Variants in FMN2 observed in about 807,000 individuals in gnomAD.
FMN2 encodes formin 2, also known as formin-2.
In FMN2, 51 loss-of-function variants were observed where a neutral mutation model predicts 142.3. That is an observed-to-expected ratio of 0.36 (90% CI 0.29 to 0.45). The LOEUF (loss-of-function observed/expected upper bound fraction) is 0.45. Among genes scored for constraint, FMN2 ranks in the 20% least tolerant of loss-of-function variants. FMN2 has a pLI of 1.00. For missense variants in FMN2, 1,936 were observed against 2,122.8 expected, an observed-to-expected ratio of 0.91 and a Z score of 1.73; for synonymous variants, 882 against 869.8, an observed-to-expected ratio of 1.01 and a Z score of -0.25.
At chr1:240,422,862 C>T (rs1367259231) in intron 15 of FMN2, among the ~76,000 whole-genome samples, 4 of 152,156 alleles carry the variant, frequency 2.6e-5, no homozygotes, top group Non-Finnish European at 5.9e-5. Context: ...CTTACATTGT[C>T]CCTCAAGGCC....
intron 14 of FMN2, among the ~76,000 whole-genome samples, chr1:240,373,670 C>T (rs1672947178): frequency 6.6e-6 from 1 of 152,208 alleles, no homozygotes; most frequent in Non-Finnish European, 1.5e-5. Flanking sequence ...TCAGGCTCCA[C>T]TTCTCATTCT....
At chr1:240,175,104 T>C (rs1178150799) in intron 2 of FMN2, among the ~76,000 whole-genome samples, 1 of 152,220 alleles carries the variant, frequency 6.6e-6, no homozygotes, top group Non-Finnish European at 1.5e-5. Context: ...AGCAGGCTTA[T>C]TTCATTTAGC....
intron 6 of FMN2, among the ~76,000 whole-genome samples, chr1:240,235,466 C>T (rs1667677051): frequency 6.6e-6 from 1 of 150,754 alleles, no homozygotes; most frequent in African/African-American, 2.4e-5. Flanking sequence ...GGCTGGAGTG[C>T]AGTGGTGTGA....
At chr1:240,182,919 C>CTTTT (rs66527453) in intron 3 of FMN2, among the ~76,000 whole-genome samples, 1 of 138,352 alleles carries the variant, frequency 7.2e-6, no homozygotes. Flanking sequence ...CTTTTCTTTT[C>CTTTT]TTTTTTTTTT....
intron 4 of FMN2, among the ~76,000 whole-genome samples, chr1:240,204,247 T>C (rs1666240768): frequency 6.6e-6 from 1 of 152,184 alleles, no homozygotes; most frequent in African/African-American, 2.4e-5. Context: ...TTCAGCAAGT[T>C]AAATGTTGTA....
At chr1:240,283,645 ATCT>A (rs1244443832) in intron 7 of FMN2, among the ~76,000 whole-genome samples, 7 of 152,196 alleles carry the variant, frequency 4.6e-5, no homozygotes, top group Non-Finnish European at 7.4e-5. Context: ...GCTCTTAAAA[ATCT>A]TCTTGGAGCG....
chr1:240,189,818 T>C (rs991604182), intron 4 of FMN2, among the ~76,000 whole-genome samples: 1 of 152,108 alleles, frequency 6.6e-6, no homozygotes, highest in Admixed American at 6.5e-5. Context: ...TAAAAAGAAA[T>C]AGTAAAGTCA....
chr1:240,321,153 G>GC (rs1558431645), intron 8 of FMN2, among the ~76,000 whole-genome samples: 1 of 143,962 alleles, frequency 6.9e-6, no homozygotes, highest in Non-Finnish European at 1.5e-5. Context: ...AATTGAACTT[G>GC]TTTTTTTTTT....
chr1:240,171,085 T>C, intron 2 of FMN2: 1 of 1,434,332 alleles, frequency 7.0e-7, no homozygotes, highest in South Asian at 1.2e-5. Context: ...CACTCATCCA[T>C]TCCAGCTGGT....
intron 14 of FMN2, among the ~76,000 whole-genome samples, chr1:240,369,450 C>T (rs1208862996): frequency 6.6e-6 from 1 of 152,048 alleles, no homozygotes; most frequent in Non-Finnish European, 1.5e-5. Context: ...TTAACCAATA[C>T]CATTGTCTTG....
At position 240,329,129 on chromosome 1, in the gene FMN2, A is replaced by G; in HGVS notation, c.4269A>G (p.Lys1423=). 6.2e-7 allele frequency: 1 copy of G among 1,614,160 alleles called. No homozygotes were observed. The highest frequency in any genetic ancestry group is 1.3e-5 in the African/African-American group (1 of 75,068). Residue 1423 remains lysine (K), a synonymous_variant, in exon 9 of 18, where the codon AAA becomes AAG. Transcript: ENST00000319653. ...EKIEKHGRSS[K]DKENAKSLDK... is the part of the protein sequence containing the mutation. ...TAGAAAAGCATGGCCGATCTTCCAA[A>G]GACAAGGAAAATGCCAAGTCTCTGG...
chr1:240,113,082 T>C (rs1360055727), intron 1 of FMN2, among the ~76,000 whole-genome samples: 1 of 152,154 alleles, frequency 6.6e-6, no homozygotes, highest in Non-Finnish European at 1.5e-5. Context: ...CTAGGGCCAA[T>C]GATTTTCATT....
intron 15 of FMN2, among the ~76,000 whole-genome samples, chr1:240,428,523 G>A (rs1475390094): frequency 6.6e-6 from 1 of 152,122 alleles, no homozygotes; most frequent in Non-Finnish European, 1.5e-5. Context: ...CACTGCACCT[G>A]GCTAAAATGT....
At chr1:240,196,110 C>T (rs536653837) in intron 4 of FMN2, among the ~76,000 whole-genome samples, 2 of 152,284 alleles carry the variant, frequency 1.3e-5, no homozygotes, top group East Asian at 3.9e-4. Flanking sequence ...TATTCAAGGT[C>T]TTATGAGCCT....
chr1:240,320,984 G>C (rs1558431546), intron 8 of FMN2, among the ~76,000 whole-genome samples: 1 of 152,086 alleles, frequency 6.6e-6, no homozygotes, highest in Non-Finnish European at 1.5e-5. Context: ...CATTTCCTTT[G>C]ATAGAGCAAT....
At chr1:240,335,691 G>T (rs1186173000) in intron 13 of FMN2, among the ~76,000 whole-genome samples, 1 of 152,146 alleles carries the variant, frequency 6.6e-6, no homozygotes, top group South Asian at 2.1e-4. Flanking sequence ...GCTTTCTGGA[G>T]TTGCATCACT....
chr1:240,237,573 C>T (rs1245108091), intron 6 of FMN2, among the ~76,000 whole-genome samples: 1 of 152,144 alleles, frequency 6.6e-6, no homozygotes, highest in East Asian at 1.9e-4. Context: ...GAATCACTTA[C>T]AGAATGGGAC....
intron 1 of FMN2, among the ~76,000 whole-genome samples, chr1:240,121,219 G>A (rs1488684518): frequency 2.6e-5 from 4 of 152,018 alleles, no homozygotes; most frequent in South Asian, 4.2e-4. Context: ...GCTAACATTA[G>A]AACCAACTGA....
chr1:240,163,034 C>CA (rs1231565283), intron 2 of FMN2, among the ~76,000 whole-genome samples: 2 of 151,994 alleles, frequency 1.3e-5, no homozygotes, highest in Non-Finnish European at 2.9e-5. Flanking sequence ...GCTTGATTTC[C>CA]AAACATGGAG....
Sources: gnomAD v4.1 joint callset for allele counts (sites outside exome capture counted in the v4.1 genomes callset) on GRCh38, gnomAD v4.1.1 for gene constraint, MANE v1.5 for transcripts, NCBI Gene and HGNC (gene_info 2026-07-23, HGNC 2026-07-21) for gene names.